The following DPP6 variants were observed in gnomAD, a reference collection of about 807,000 sequenced individuals.
DPP6 encodes the protein dipeptidyl peptidase like 6.
In DPP6, 69 loss-of-function variants were observed where a neutral mutation model predicts 122.6. That is an observed-to-expected ratio of 0.56 (90% confidence interval 0.46 to 0.69). The LOEUF (loss-of-function observed/expected upper bound fraction) is 0.69, where lower values mean the gene tolerates loss of function less well. Ranked by LOEUF, DPP6 falls within the 30% of genes least tolerant of loss-of-function variation. The probability of loss-of-function intolerance (pLI) is 0.00; values close to 1 mark genes in which losing one functional copy is unlikely to be tolerated. For missense variants in DPP6, 928 were observed against 1,116.9 expected (o/e 0.83, Z 2.41); for synonymous variants, 418 against 433.1 (o/e 0.97, Z 0.43).
chr7:153,761,491 T>C, the DPP6 span, among the ~76,000 whole-genome samples: 19 of 152,328 alleles, frequency 1.2e-4, no homozygotes, highest in South Asian at 3.3e-3. Context: ...GACATTTCTT[T>C]CTCCATGCTT....
intron 1 of DPP6, among the ~76,000 whole-genome samples, chr7:153,916,335 T>G (rs1800314281): frequency 2.0e-5 from 3 of 149,916 alleles, no homozygotes; most frequent in Admixed American, 1.3e-4. Flanking sequence ...TCACATTTTC[T>G]TCCCCTATCT....
intron 1 of DPP6, among the ~76,000 whole-genome samples, chr7:154,404,881 A>G (rs754566069): frequency 6.6e-6 from 1 of 152,236 alleles, no homozygotes; most frequent in Non-Finnish European, 1.5e-5. Context: ...ATTACAAAAA[A>G]AAATGCACCA....
At chr7:154,715,438 T>C (rs1325139050) in intron 7 of DPP6, among the ~76,000 whole-genome samples, 2 of 152,246 alleles carry the variant, frequency 1.3e-5, no homozygotes, top group East Asian at 1.9e-4. Flanking sequence ...AATTTCAATA[T>C]ACTTTTCAGA....
At chr7:154,557,201 C>A (rs1471983493) in intron 4 of DPP6, among the ~76,000 whole-genome samples, 1 of 152,158 alleles carries the variant, frequency 6.6e-6, no homozygotes, top group Admixed American at 6.6e-5. Context: ...CTGGCATGGT[C>A]ACAAGCAGCC....
At chr7:154,736,770 C>T (rs955836851) in intron 8 of DPP6, among the ~76,000 whole-genome samples, 1 of 152,228 alleles carries the variant, frequency 6.6e-6, no homozygotes, top group African/African-American at 2.4e-5. Context: ...CAGTGACTCT[C>T]TGAGTACTTA....
rs1048332065 is a variant in DPP6, at chr7:154,249,733, A to T, written c.244-196481A>T. On this transcript the variant is annotated intron_variant, in intron 1 of 25. Coordinates refer to ENST00000377770, the MANE Select transcript of DPP6 (RefSeq NM_130797.4). ...GGAGCCTGTCCCCAGATGCATTTCC[A>T]TGTGACTATACACATATGCACACAA... 1.1e-4 allele frequency among the ~76,000 whole-genome samples: 16 copies of T among 152,220 alleles called. No individual in the cohort carries two copies. The South Asian group carries it at 1.2e-3, about 12-fold the overall frequency.
chr7:154,668,603 C>T (rs537563038), intron 6 of DPP6, among the ~76,000 whole-genome samples: 5 of 152,034 alleles, frequency 3.3e-5, no homozygotes, highest in Admixed American at 2.0e-4. Context: ...TCATTCTTCA[C>T]GTGGAGGGGT....
chr7:154,802,455 A>G (rs1798432013), intron 13 of DPP6, among the ~76,000 whole-genome samples: 1 of 152,168 alleles, frequency 6.6e-6, no homozygotes, highest in African/African-American at 2.4e-5. Flanking sequence ...AGTGCACTTC[A>G]TGACACGATT....
At chr7:154,431,247 T>C (rs1818338343) in intron 1 of DPP6, among the ~76,000 whole-genome samples, 1 of 151,990 alleles carries the variant, frequency 6.6e-6, no homozygotes, top group Non-Finnish European at 1.5e-5. Flanking sequence ...AGTTACATCA[T>C]CACTGAGCAG....
the DPP6 span, among the ~76,000 whole-genome samples, chr7:153,845,198 C>G: frequency 6.6e-6 from 1 of 152,082 alleles, no homozygotes; most frequent in Admixed American, 6.6e-5. Context: ...GCTTATAGGT[C>G]AACCTCGCTT....
chr7:154,259,849 G>A (rs1315266690), intron 1 of DPP6, among the ~76,000 whole-genome samples: 1 of 152,174 alleles, frequency 6.6e-6, no homozygotes, highest in Non-Finnish European at 1.5e-5. Flanking sequence ...CACAACGGGT[G>A]AAGCATCTAC....
At chr7:154,397,096 G>A (rs1028000069) in intron 1 of DPP6, among the ~76,000 whole-genome samples, 1 of 150,376 alleles carries the variant, frequency 6.6e-6, no homozygotes, top group Non-Finnish European at 1.5e-5. Context: ...AGATTTATAA[G>A]ATAAATTTAG....
intron 3 of DPP6, chr7:154,475,323 C>T: frequency 2.5e-6 from 1 of 396,492 alleles, no homozygotes. Flanking sequence ...CTCCCAGAGA[C>T]ATCATTTCTC....
intron 1 of DPP6, among the ~76,000 whole-genome samples, chr7:154,169,905 G>A (rs561772989): frequency 1.1e-3 from 168 of 152,168 alleles, no homozygotes; most frequent in Admixed American, 1.8e-3. Context: ...TAATTTTTTA[G>A]TAGAGATAGG....
At chr7:154,356,184 T>C (rs934834568) in intron 1 of DPP6, among the ~76,000 whole-genome samples, 1 of 152,234 alleles carries the variant, frequency 6.6e-6, no homozygotes, top group Non-Finnish European at 1.5e-5. Context: ...ATGAGTGAAA[T>C]GGAAATACAA....
intron 2 of DPP6, among the ~76,000 whole-genome samples, chr7:154,473,822 C>T (rs1417047302): frequency 2.0e-5 from 3 of 152,034 alleles, no homozygotes; most frequent in Admixed American, 2.0e-4. Flanking sequence ...AATACAAAAA[C>T]ACACAGCTCT....
chr7:154,751,427 C>G (rs1455688809), intron 8 of DPP6, among the ~76,000 whole-genome samples: 1 of 149,926 alleles, frequency 6.7e-6, no homozygotes. Flanking sequence ...TGGCAAAACC[C>G]TGTCTCTCCT....
intron 5 of DPP6, among the ~76,000 whole-genome samples, chr7:154,573,831 A>AG (rs1441296503): frequency 1.3e-5 from 2 of 152,238 alleles, no homozygotes; most frequent in Non-Finnish European, 2.9e-5. Flanking sequence ...AGCCTGTGTA[A>AG]GCAGTGTAAG....
chr7:154,522,189 T>G (rs1314438666), intron 3 of DPP6, among the ~76,000 whole-genome samples: 1 of 152,126 alleles, frequency 6.6e-6, no homozygotes, highest in Admixed American at 6.5e-5. Flanking sequence ...TTAGCCAGGA[T>G]GATCTCAATC....
Sources: gnomAD v4.1 joint callset for allele counts (sites outside exome capture counted in the v4.1 genomes callset) on GRCh38, gnomAD v4.1.1 for gene constraint, MANE v1.5 for transcripts, NCBI Gene and HGNC (gene_info 2026-07-23, HGNC 2026-07-21) for gene names.